The following OPCML variants were observed in gnomAD, a reference collection of about 807,000 sequenced individuals.
OPCML encodes the protein opioid binding protein/cell adhesion molecule like, also known as opioid-binding protein/cell adhesion molecule.
A neutral mutation model predicts 37.8 loss-of-function variants in OPCML; 13 were observed. That is an observed-to-expected ratio of 0.34 (90% confidence interval 0.22 to 0.55). OPCML has a LOEUF of 0.55. OPCML is among the 20% of genes least tolerant of loss of function. The probability of loss-of-function intolerance (pLI) is 0.91; values close to 1 mark genes in which losing one functional copy is unlikely to be tolerated. For synonymous variants in OPCML, 176 were observed against 168.8 expected (o/e 1.04, Z -0.33); for missense variants, 341 against 435.6 (o/e 0.78, Z 1.93).
intron 1 of OPCML, among the ~76,000 whole-genome samples, chr11:133,443,225 C>T (rs1946400105): frequency 6.6e-6 from 1 of 152,160 alleles, no homozygotes; most frequent in Non-Finnish European, 1.5e-5. Flanking sequence ...ATTCAGGGTG[C>T]TTGAAAGAGC....
At chr11:132,426,261 G>C (rs972106108) in intron 7 of OPCML, among the ~76,000 whole-genome samples, 3 of 152,158 alleles carry the variant, frequency 2.0e-5, no homozygotes, top group Admixed American at 2.0e-4. Context: ...AAATGACAAA[G>C]GGATCCATTT....
chr11:133,188,570 G>C (rs937441949), intron 1 of OPCML, among the ~76,000 whole-genome samples: 3 of 152,054 alleles, frequency 2.0e-5, no homozygotes, highest in African/African-American at 7.2e-5. Flanking sequence ...TGAACCATGA[G>C]AAGAAAAAGT....
intron 1 of OPCML, chr11:133,420,145 T>C (rs1945855595): frequency 1.1e-5 from 5 of 452,422 alleles, no homozygotes; most frequent in Non-Finnish European, 1.5e-5. Flanking sequence ...GTAAATGTTA[T>C]AGTAATTAAA....
intron 1 of OPCML, among the ~76,000 whole-genome samples, chr11:133,288,118 G>A (rs539885306): frequency 1.3e-5 from 2 of 152,304 alleles, no homozygotes; most frequent in African/African-American, 2.4e-5. Flanking sequence ...AGCTTCCTGC[G>A]GTGAATGAAG....
chr11:132,911,083 A>G (rs1044006499), intron 2 of OPCML, among the ~76,000 whole-genome samples: 6 of 152,236 alleles, frequency 3.9e-5, no homozygotes, highest in African/African-American at 9.6e-5. Flanking sequence ...AGCAACCCTC[A>G]TCTTCTGACT....
At chr11:133,183,632 T>C (rs1937940623) in intron 1 of OPCML, among the ~76,000 whole-genome samples, 1 of 152,190 alleles carries the variant, frequency 6.6e-6, no homozygotes, top group South Asian at 2.1e-4. Context: ...CGAGAGTGTA[T>C]TGTATGTGAG....
At chr11:132,550,372 TAGTG>T (rs1229934430) in intron 3 of OPCML, among the ~76,000 whole-genome samples, 1 of 152,138 alleles carries the variant, frequency 6.6e-6, no homozygotes, top group Non-Finnish European at 1.5e-5. Flanking sequence ...GTCCTCATGA[TAGTG>T]AGTGAGTTCT....
At chr11:132,453,167 A>G (rs774394700) in intron 4 of OPCML, among the ~76,000 whole-genome samples, 5 of 152,192 alleles carry the variant, frequency 3.3e-5, no homozygotes, top group Admixed American at 6.5e-5. Context: ...CGCATTTGTC[A>G]TGTTAGAGCA....
At chr11:132,711,104 G>T (rs1166188083) in intron 2 of OPCML, among the ~76,000 whole-genome samples, 1 of 152,152 alleles carries the variant, frequency 6.6e-6, no homozygotes, top group Admixed American at 6.5e-5. Flanking sequence ...GACAGCGAAA[G>T]CCCCAAATGC....
At chr11:132,493,598 C>G (rs1295616410) in intron 4 of OPCML, among the ~76,000 whole-genome samples, 1 of 152,174 alleles carries the variant, frequency 6.6e-6, no homozygotes, top group Non-Finnish European at 1.5e-5. Flanking sequence ...CCCTCTCCTT[C>G]CTGGACTCCC....
Position 133,006,125 on chromosome 11 carries a change from G to T in OPCML, c.62-63115C>A, listed in dbSNP as rs1455132852. 7.1e-6 allele frequency: 7 copies of T among 985,178 alleles called. No individual in the cohort carries two copies. The African/African-American group carries it at 1.0e-4, about 15-fold the overall frequency. The allele number at this position is 985,178 out of a possible 1,614,324, so 61.0% of individuals were successfully genotyped here. A position where few individuals can be genotyped will look rare whatever the true frequency, so the allele number is the denominator to read the frequency against. ...GCATGGGGTCATTGTGAGACAGCCAGGTGGGAGGAGATCCCTGGAGAAGCT... is the reference window on the plus strand; with the variant it reads ...GCATGGGGTCATTGTGAGACAGCCATGTGGGAGGAGATCCCTGGAGAAGCT... On this transcript the variant is annotated intron_variant, in intron 1 of 7. Coordinates refer to ENST00000524381, the MANE Select transcript of OPCML (RefSeq NM_001012393.5).
At chr11:133,514,775 T>C (rs1198218138) in intron 1 of OPCML, among the ~76,000 whole-genome samples, 3 of 152,160 alleles carry the variant, frequency 2.0e-5, no homozygotes, top group African/African-American at 7.2e-5. Context: ...CTATAGGAAA[T>C]TTGTCTGAGC....
chr11:133,521,632 T>A (rs1476363159), intron 1 of OPCML, among the ~76,000 whole-genome samples: 2 of 152,314 alleles, frequency 1.3e-5, no homozygotes, highest in East Asian at 1.9e-4. Flanking sequence ...GAGGCATCCA[T>A]CCCAGTGCCA....
intron 1 of OPCML, among the ~76,000 whole-genome samples, chr11:133,255,201 T>C (rs1365911675): frequency 6.6e-6 from 1 of 152,144 alleles, no homozygotes; most frequent in Non-Finnish European, 1.5e-5. Flanking sequence ...TGCTGGTTAA[T>C]AGACAGGAAT....
Position 133,237,443 on chromosome 11 carries a change from C to T in OPCML, c.62-294433G>A, listed in dbSNP as rs117992892. Among the ~76,000 whole-genome samples, 108 of 152,246 alleles carry T rather than the reference C, an allele frequency of 7.1e-4. No individual in the cohort carries two copies. In the East Asian group the frequency reaches 0.011, roughly 16 times the overall value. On this transcript the variant is annotated intron_variant, in intron 1 of 7. Transcript: ENST00000524381. ...CAGTGAGGTATTACCAGGGCCAGGA[C>T]TACAGTTAACACAGTATGTGTGAGT...
At chr11:132,900,854 AC>A (rs1277162635) in intron 2 of OPCML, among the ~76,000 whole-genome samples, 2 of 152,166 alleles carry the variant, frequency 1.3e-5, no homozygotes, top group Non-Finnish European at 2.9e-5. Flanking sequence ...CATTCAATCC[AC>A]TAGCGCCCTT....
chr11:133,013,771 G>T (rs961551198), intron 1 of OPCML, among the ~76,000 whole-genome samples: 7 of 152,150 alleles, frequency 4.6e-5, no homozygotes. Context: ...CCTGCTGCAG[G>T]TGATGAACTG....
chr11:132,680,553 C>A (rs536773144), intron 2 of OPCML, among the ~76,000 whole-genome samples: 1 of 152,288 alleles, frequency 6.6e-6, no homozygotes, highest in African/African-American at 2.4e-5. Context: ...TGGCTGCAGG[C>A]GCAGTCAAGT....
At chr11:132,906,896 G>A (rs953672731) in intron 2 of OPCML, among the ~76,000 whole-genome samples, 1 of 152,110 alleles carries the variant, frequency 6.6e-6, no homozygotes, top group Non-Finnish European at 1.5e-5. Flanking sequence ...AGGGTAGTGG[G>A]GATTGAAGCA....
Sources: allele counts gnomAD v4.1 joint callset (sites outside exome capture counted in the v4.1 genomes callset), GRCh38; gene constraint gnomAD v4.1.1; transcripts MANE v1.5; gene names NCBI Gene and HGNC (gene_info 2026-07-23, HGNC 2026-07-21).